DOCK1: variants seen among roughly 807,000 people sequenced by gnomAD.
DOCK1 encodes the protein dedicator of cytokinesis protein 1.
DOCK1 carries 138 observed loss-of-function variants against 262.7 expected under a neutral mutation model. The ratio of observed to expected loss-of-function variants is 0.53; its 90% confidence interval spans 0.46 to 0.61. The LOEUF (loss-of-function observed/expected upper bound fraction) is 0.61. Among genes scored for constraint, DOCK1 ranks in the 20% least tolerant of loss-of-function variants. DOCK1 has a pLI of 0.00. For missense variants in DOCK1, 1,908 were observed against 2,370.7 expected (o/e 0.80, Z 4.05); for synonymous variants, 866 against 867.4 (o/e 1.00, Z 0.03).
Position 127,342,778 on chromosome 10 carries a change from C to T in DOCK1, c.3124-868C>T, listed in dbSNP as rs535107659. 2.4e-3 allele frequency among the ~76,000 whole-genome samples: 299 copies of T among 123,704 alleles called. No individual in the cohort carries two copies. In the Middle Eastern group the frequency reaches 0.044, roughly 18 times the overall value. 81.2% of individuals were successfully genotyped at this position (123,704 alleles called of 152,430 possible). ...TTCTAAAGGCCGTTGTCTTTTAAAC[C>T]GCATATATGTAGTCCATAAACCCTT... On this transcript the variant is annotated intron_variant, in intron 30 of 51. Transcript: ENST00000623213.
chr10:127,266,375 A>T (rs1229311298), intron 29 of DOCK1, among the ~76,000 whole-genome samples: 1 of 152,236 alleles, frequency 6.6e-6, no homozygotes, highest in Admixed American at 6.5e-5. Flanking sequence ...GAGGTTTTGC[A>T]CAGCCAATGG....
At chr10:127,022,629 C>G (rs2042519795) in intron 13 of DOCK1, among the ~76,000 whole-genome samples, 1 of 152,144 alleles carries the variant, frequency 6.6e-6, no homozygotes, top group Non-Finnish European at 1.5e-5. Flanking sequence ...CTCCTGACCT[C>G]AAGTGATCTA....
At chr10:127,182,274 C>G (rs1349544873) in intron 27 of DOCK1, among the ~76,000 whole-genome samples, 1 of 152,132 alleles carries the variant, frequency 6.6e-6, no homozygotes, top group Non-Finnish European at 1.5e-5. Flanking sequence ...CCCACTCATG[C>G]ATATCTGCGG....
chr10:127,358,983 A>G (rs1341104024), intron 32 of DOCK1, among the ~76,000 whole-genome samples: 2 of 152,214 alleles, frequency 1.3e-5, no homozygotes, highest in Admixed American at 1.3e-4. Flanking sequence ...GACTGGAAGT[A>G]AAATATTCTC....
chr10:127,114,988 C>T (rs2049093571), intron 25 of DOCK1, among the ~76,000 whole-genome samples: 1 of 152,102 alleles, frequency 6.6e-6, no homozygotes, highest in South Asian at 2.1e-4. Flanking sequence ...ATCTCTTGAC[C>T]TCGTGATCCA....
chr10:127,361,161 T>C (rs189824280), intron 32 of DOCK1, among the ~76,000 whole-genome samples: 2 of 143,504 alleles, frequency 1.4e-5, no homozygotes, highest in Admixed American at 1.4e-4. Flanking sequence ...TCGCCCAGGC[T>C]GGAGTGCACT....
intron 29 of DOCK1, among the ~76,000 whole-genome samples, chr10:127,335,937 C>T (rs1055015648): frequency 2.6e-5 from 4 of 151,880 alleles, no homozygotes; most frequent in East Asian, 1.9e-4. Context: ...AGGATGGTTT[C>T]GATCTCCTGA....
At chr10:127,413,528 G>A (rs762127250) in intron 43 of DOCK1, among the ~76,000 whole-genome samples, 8 of 152,244 alleles carry the variant, frequency 5.3e-5, no homozygotes, top group Non-Finnish European at 1.0e-4. Flanking sequence ...AGAGCAGTGC[G>A]AGGTGGCTCA....
At chr10:127,410,180 A>G (rs2067760018) in intron 42 of DOCK1, among the ~76,000 whole-genome samples, 1 of 152,222 alleles carries the variant, frequency 6.6e-6, no homozygotes, top group South Asian at 2.1e-4. Context: ...TGGGAAATAA[A>G]CTGGGACCCT....
intron 27 of DOCK1, among the ~76,000 whole-genome samples, chr10:127,226,144 G>A (rs2058630284): frequency 1.3e-5 from 2 of 150,712 alleles, no homozygotes. Flanking sequence ...CACCCAAGTT[G>A]TTGGAGTTTC....
Position 127,043,053 on chromosome 10 carries a change from T to A in DOCK1, c.2101-11T>A. 1 of 1,578,634 alleles carries A rather than the reference T, an allele frequency of 6.3e-7. No individual in the cohort carries two copies. The highest frequency in any genetic ancestry group is 8.7e-7 in the Non-Finnish European group (1 of 1,155,350). On this transcript the variant is annotated splice_polypyrimidine_tract_variant and intron_variant, in intron 20 of 51. Coordinates refer to ENST00000623213, the MANE Select transcript of DOCK1 (RefSeq NM_001290223.2). Reference sequence around the variant, plus strand: ...TGTTGCTAATGAAAATATTATTGATTAATTTGACAGGTATTTATCATTGGA... The same window carrying A: ...TGTTGCTAATGAAAATATTATTGATAAATTTGACAGGTATTTATCATTGGA...
chr10:127,225,310 CATCA>C (rs2058595171), intron 27 of DOCK1, among the ~76,000 whole-genome samples: 1 of 152,228 alleles, frequency 6.6e-6, no homozygotes, highest in African/African-American at 2.4e-5. Context: ...CGACTTACCC[CATCA>C]ATGCCAAGGG....
chr10:126,969,282 G>A (rs1324793580), intron 1 of DOCK1, among the ~76,000 whole-genome samples: 1 of 152,202 alleles, frequency 6.6e-6, no homozygotes, highest in Non-Finnish European at 1.5e-5. Flanking sequence ...TCGGGGAGGG[G>A]TGCTGCCCTA....
intron 32 of DOCK1, among the ~76,000 whole-genome samples, chr10:127,360,123 A>G (rs2064340764): frequency 6.6e-6 from 1 of 152,208 alleles, no homozygotes; most frequent in African/African-American, 2.4e-5. Context: ...TAAGGTTCGC[A>G]GCCCCATTTT....
chr10:127,014,649 C>G (rs1334084351), intron 12 of DOCK1, among the ~76,000 whole-genome samples: 2 of 152,150 alleles, frequency 1.3e-5, no homozygotes, highest in Admixed American at 6.5e-5. Flanking sequence ...ATTCATTCTC[C>G]AGGGAGGCTT....
At chr10:127,118,856 A>G (rs894965913) in intron 25 of DOCK1, among the ~76,000 whole-genome samples, 4 of 152,242 alleles carry the variant, frequency 2.6e-5, no homozygotes, top group African/African-American at 9.6e-5. Flanking sequence ...AGAAAGGAAA[A>G]GTGACCTACC....
chr10:126,908,448 AACGAATC>A (rs2031270667), intron 1 of DOCK1, among the ~76,000 whole-genome samples: 1 of 152,172 alleles, frequency 6.6e-6, no homozygotes, highest in Non-Finnish European at 1.5e-5. Flanking sequence ...TTGGCCCATG[AACGAATC>A]ACGAGGGGTA....
chr10:126,915,236 C>T (rs1423478055), intron 1 of DOCK1, among the ~76,000 whole-genome samples: 1 of 152,200 alleles, frequency 6.6e-6, no homozygotes, highest in Admixed American at 6.5e-5. Flanking sequence ...TCAGGACTTT[C>T]ACCCTGAAAG....
chr10:126,984,269 T>A (rs571636492), intron 4 of DOCK1, among the ~76,000 whole-genome samples: 1 of 152,322 alleles, frequency 6.6e-6, no homozygotes, highest in African/African-American at 2.4e-5. Flanking sequence ...ATGAGAATCA[T>A]CCCCACTGTT....
Sources: allele counts gnomAD v4.1 joint callset (sites outside exome capture counted in the v4.1 genomes callset), GRCh38; gene constraint gnomAD v4.1.1; transcripts MANE v1.5; gene names NCBI Gene and HGNC (gene_info 2026-07-23, HGNC 2026-07-21).